NTM: variants seen among roughly 807,000 people sequenced by gnomAD.
NTM encodes the protein neurotrimin, also known as IgLON family member 2.
NTM carries 13 observed loss-of-function variants against 42.1 expected under a neutral mutation model. The ratio of observed to expected loss-of-function variants is 0.31; its 90% CI spans 0.20 to 0.49. The LOEUF (loss-of-function observed/expected upper bound fraction) is 0.49. NTM is among the 20% of genes least tolerant of loss of function. NTM has a pLI of 0.99. For synonymous variants in NTM, 187 were observed against 179.2 expected (o/e 1.04, Z -0.35); for missense variants, 373 against 452.8 (o/e 0.82, Z 1.60).
In NTM at chr11:131,756,428, G is replaced by C. The variant is rs533966494; in HGVS notation, c.83-155136G>C. On this transcript the variant is annotated intron_variant, in intron 1 of 8. Coordinates refer to ENST00000683400, the MANE Select transcript of NTM (RefSeq NM_001352005.2). ...GAAAGACCTTGTCTGGGAGGCTGAGGCAGGTCAATTGCTTGAACTCTGGAG... is the reference window on the plus strand; with the variant it reads ...GAAAGACCTTGTCTGGGAGGCTGAGCCAGGTCAATTGCTTGAACTCTGGAG... 6.6e-4 allele frequency among the ~76,000 whole-genome samples: 101 copies of C among 151,964 alleles called. 1 individual carries two copies. In the South Asian group the frequency reaches 0.021, roughly 31 times the overall value.
At chr11:131,648,985 T>C (rs914016127) in intron 1 of NTM, among the ~76,000 whole-genome samples, 1 of 152,238 alleles carries the variant, frequency 6.6e-6, no homozygotes, top group Non-Finnish European at 1.5e-5. Context: ...GAGCAAAGCA[T>C]GAGCCTGAGA....
At chr11:132,099,137 AC>A (rs35893546) in intron 2 of NTM, among the ~76,000 whole-genome samples, 84,271 of 151,942 alleles carry the variant, frequency 0.55, 23,724 homozygotes, top group African/African-American at 0.6. Flanking sequence ...TTGTAGCAAC[AC>A]CTGTAACATC....
chr11:132,324,639 C>T (rs1034935352), intron 7 of NTM, among the ~76,000 whole-genome samples: 1 of 114,002 alleles, frequency 8.8e-6, no homozygotes, highest in African/African-American at 3.4e-5. Context: ...ATCAAGCTAC[C>T]AATGACTTTC....
chr11:131,888,912 T>A (rs546704273), intron 1 of NTM, among the ~76,000 whole-genome samples: 80 of 151,408 alleles, frequency 5.3e-4, no homozygotes, highest in South Asian at 6.3e-4. Flanking sequence ...CTCTTTATTT[T>A]TTTTTTTTTT....
rs1216440733 is a variant in NTM at position 131,873,634 on chromosome 11, TAC to T, written c.83-37926_83-37925del. Among the ~76,000 whole-genome samples the T allele has an allele frequency of 2.2e-4, 28 of 128,298 alleles. 3 individuals are homozygous for T. Among genetic ancestry groups the T allele is most frequent in the African/African-American group, 8.6e-4 (27 of 31,536 alleles). The allele number at this position is 128,298 out of a possible 152,430, so 84.2% of individuals were successfully genotyped here. The stretch of plus-strand genomic sequence containing the variant: ...TACCGTATATATATACATATATATA[TAC>T]ACATATATATATACACACATATATA... On this transcript the variant is annotated intron_variant, in intron 1 of 8. Transcript: ENST00000683400.
intron 2 of NTM, among the ~76,000 whole-genome samples, chr11:131,953,070 A>T (rs2061191648): frequency 6.6e-6 from 1 of 152,154 alleles, no homozygotes; most frequent in Non-Finnish European, 1.5e-5. Flanking sequence ...CATGACTCTT[A>T]GGTAGAAAGC....
At chr11:131,887,748 A>G (rs1565681198) in intron 1 of NTM, among the ~76,000 whole-genome samples, 1 of 152,252 alleles carries the variant, frequency 6.6e-6, no homozygotes, top group South Asian at 2.1e-4. Context: ...ATGAGCCACC[A>G]GAATGCAAGC....
chr11:132,211,292 G>A (rs2082790269), intron 3 of NTM, among the ~76,000 whole-genome samples: 2 of 152,176 alleles, frequency 1.3e-5, no homozygotes, highest in Admixed American at 1.3e-4. Context: ...TGCAGTCCCA[G>A]CTACTTGGAC....
intron 1 of NTM, among the ~76,000 whole-genome samples, chr11:131,575,945 T>C (rs979877114): frequency 6.6e-6 from 1 of 152,254 alleles, no homozygotes; most frequent in African/African-American, 2.4e-5. Flanking sequence ...CGTCTTCTAA[T>C]ACCAGGGTTA....
At chr11:131,865,533 A>G (rs983294637) in intron 1 of NTM, among the ~76,000 whole-genome samples, 25 of 152,228 alleles carry the variant, frequency 1.6e-4, no homozygotes, top group African/African-American at 5.8e-4. Flanking sequence ...CAAAACAAGC[A>G]AACAGAACAA....
intron 3 of NTM, among the ~76,000 whole-genome samples, chr11:132,206,128 C>T (rs1042031664): frequency 2.0e-5 from 3 of 152,286 alleles, no homozygotes; most frequent in African/African-American, 4.8e-5. Context: ...ACATCACTGT[C>T]GATTGATTTC....
chr11:132,211,802 C>G (rs2138667401), intron 3 of NTM: 1 of 358,834 alleles, frequency 2.8e-6, no homozygotes, highest in Admixed American at 4.7e-5. Context: ...AGAATTTATT[C>G]CCATTCGGAC....
At chr11:132,026,588 T>C (rs1300962293) in intron 2 of NTM, among the ~76,000 whole-genome samples, 1 of 152,214 alleles carries the variant, frequency 6.6e-6, no homozygotes, top group Admixed American at 6.5e-5. Context: ...TGGTGCTAAA[T>C]GTGCTGAAGA....
intron 4 of NTM, among the ~76,000 whole-genome samples, chr11:132,291,719 T>C (rs568818248): frequency 4.6e-5 from 7 of 152,236 alleles, no homozygotes; most frequent in Non-Finnish European, 1.0e-4. Flanking sequence ...AGTTAGGAGA[T>C]TATGACATTA....
intron 7 of NTM, among the ~76,000 whole-genome samples, chr11:132,329,305 T>G (rs1366880523): frequency 6.6e-6 from 1 of 152,208 alleles, no homozygotes; most frequent in African/African-American, 2.4e-5. Context: ...TAGAGATCAT[T>G]CCAAATTCAG....
chr11:132,304,993 G>A (rs1462118422), intron 4 of NTM, among the ~76,000 whole-genome samples: 2 of 152,116 alleles, frequency 1.3e-5, no homozygotes, highest in East Asian at 3.9e-4. Context: ...GCCACCCAAC[G>A]TCCTTTCCTA....
chr11:131,720,496 C>A (rs1234575281), intron 1 of NTM, among the ~76,000 whole-genome samples: 1 of 152,142 alleles, frequency 6.6e-6, no homozygotes, highest in Non-Finnish European at 1.5e-5. Context: ...TTCCATTCAA[C>A]AGATACATAT....
chr11:131,481,428 G>T (rs1359008827), intron 1 of NTM, among the ~76,000 whole-genome samples: 1 of 152,212 alleles, frequency 6.6e-6, no homozygotes, highest in African/African-American at 2.4e-5. Flanking sequence ...TTGGGAAGAC[G>T]CAAGGCCTGT....
At chr11:131,634,351 T>C (rs1020918659) in intron 1 of NTM, among the ~76,000 whole-genome samples, 3 of 151,366 alleles carry the variant, frequency 2.0e-5, no homozygotes, top group Non-Finnish European at 4.4e-5. Context: ...TAAATTCTAA[T>C]AACTCTTCTT....
Sources: gnomAD v4.1 joint callset for allele counts (sites outside exome capture counted in the v4.1 genomes callset) on GRCh38, gnomAD v4.1.1 for gene constraint, MANE v1.5 for transcripts, NCBI Gene and HGNC (gene_info 2026-07-23, HGNC 2026-07-21) for gene names.